LMOD1: variants seen among roughly 807,000 people sequenced by gnomAD.
The protein encoded by LMOD1 is leiomodin-1.
A neutral mutation model predicts 36.5 loss-of-function variants in LMOD1; 8 were observed. That is an observed-to-expected ratio of 0.22 (90% CI 0.13 to 0.40). The LOEUF (loss-of-function observed/expected upper bound fraction) is 0.40. LMOD1 is among the 10% of genes least tolerant of loss of function. The pLI, the probability that LMOD1 is intolerant of heterozygous loss-of-function variation, is 1.00. For missense variants in LMOD1, 630 were observed against 751.1 expected (o/e 0.84, Z 1.88); for synonymous variants, 284 against 288.7 (o/e 0.98, Z 0.17).
intron 1 of LMOD1, among the ~76,000 whole-genome samples, chr1:201,933,960 T>G (rs1429454768): frequency 6.6e-6 from 1 of 152,156 alleles, no homozygotes; most frequent in Non-Finnish European, 1.5e-5. Context: ...CCCCCTGGTT[T>G]GGCTTGCAAG....
chr1:201,896,840 C>T lies in LMOD1; in HGVS notation c.*1532G>A, dbSNP rs1681203162. On this transcript the variant is annotated 3_prime_UTR_variant, in exon 3 of 3. Transcript: ENST00000367288. ...GGCTTTACCCCCAGGACTAGACTGC[C>T]CTCTGGTTTTGGTCAGACCTAGCAC... 7.4e-6 allele frequency: 3 copies of T among 406,722 alleles called. No individual in the cohort carries two copies. The highest frequency in any genetic ancestry group is 5.3e-5 in the Admixed American group (2 of 37,946). The allele number at this position is 406,722 out of a possible 1,614,324, so 25.2% of individuals were successfully genotyped here.
chr1:201,913,834 T>C (rs967420522), intron 1 of LMOD1, among the ~76,000 whole-genome samples: 1 of 152,194 alleles, frequency 6.6e-6, no homozygotes, highest in Admixed American at 6.5e-5. Flanking sequence ...TTCCATTGTA[T>C]GTATATACCT....
At chr1:201,942,513 G>A (rs1449511540) in intron 1 of LMOD1, among the ~76,000 whole-genome samples, 5 of 152,116 alleles carry the variant, frequency 3.3e-5, no homozygotes, top group African/African-American at 4.8e-5. Context: ...CCCATCCCTT[G>A]GAGGGAGACC....
In LMOD1 at chr1:201,919,283, C is replaced by T. The variant is rs529817768; in HGVS notation, c.262-18532G>A. On this transcript the variant is annotated intron_variant, in intron 1 of 2. Transcript: ENST00000367288. ...GGCTGGAGTGCAGTGGTACTCACTG[C>T]AACCTCCGCCTCCTGGGTTCAAGCA... 5.9e-5 allele frequency among the ~76,000 whole-genome samples: 9 copies of T among 151,916 alleles called. No homozygotes were observed. The East Asian group carries it at 1.8e-3, about 30-fold the overall frequency.
chr1:201,941,431 G>T (rs772143677), intron 1 of LMOD1, among the ~76,000 whole-genome samples: 1 of 152,130 alleles, frequency 6.6e-6, no homozygotes, highest in Non-Finnish European at 1.5e-5. Context: ...AACCCTCTCC[G>T]GTGCCTGCTT....
chr1:201,944,479 G>A (rs922193445), intron 1 of LMOD1, among the ~76,000 whole-genome samples: 5 of 152,152 alleles, frequency 3.3e-5, no homozygotes, highest in African/African-American at 1.2e-4. Context: ...CGATTTCCAA[G>A]GGTGCCAAAG....
At chr1:201,927,680 G>T (rs1050316138) in intron 1 of LMOD1, among the ~76,000 whole-genome samples, 3 of 152,192 alleles carry the variant, frequency 2.0e-5, no homozygotes, top group Non-Finnish European at 4.4e-5. Flanking sequence ...TGGAAGAGAT[G>T]CTGCCATTGG....
chr1:201,933,182 G>A (rs1232041865), intron 1 of LMOD1, among the ~76,000 whole-genome samples: 2 of 152,172 alleles, frequency 1.3e-5, no homozygotes, highest in Non-Finnish European at 2.9e-5. Flanking sequence ...GGGAGGCTGA[G>A]GCGAGTGGAA....
In LMOD1 at chr1:201,910,960, T is replaced by C. The variant is rs1049244037; in HGVS notation, c.262-10209A>G. On this transcript the variant is annotated intron_variant, in intron 1 of 2. Coordinates refer to ENST00000367288, the MANE Select transcript of LMOD1 (RefSeq NM_012134.3). ...CTATATCAGTAGTAAGTGGGAGGACTGGAGTTCACACTCAGATCTCTTGGG... is the reference window on the plus strand; with the variant it reads ...CTATATCAGTAGTAAGTGGGAGGACCGGAGTTCACACTCAGATCTCTTGGG... 1.6e-4 allele frequency among the ~76,000 whole-genome samples: 24 copies of C among 152,034 alleles called. 1 individual carries two copies. Among genetic ancestry groups the C allele is most frequent in the Admixed American group, 6.6e-5 (1 of 15,264 alleles).
chr1:201,906,662 C>A (rs532430953), intron 1 of LMOD1, among the ~76,000 whole-genome samples: 1 of 152,156 alleles, frequency 6.6e-6, no homozygotes, highest in Non-Finnish European at 1.5e-5. Context: ...AGTCTCCTGC[C>A]GCATTCCATG....
At chr1:201,938,426 GC>G (rs1382252613) in intron 1 of LMOD1, among the ~76,000 whole-genome samples, 1 of 152,162 alleles carries the variant, frequency 6.6e-6, no homozygotes, top group African/African-American at 2.4e-5. Context: ...ACCGCGCCCG[GC>G]CGTAATTTCC....
intron 1 of LMOD1, among the ~76,000 whole-genome samples, chr1:201,939,312 A>AT (rs1219418707): frequency 2.0e-5 from 3 of 152,284 alleles, no homozygotes; most frequent in East Asian, 1.9e-4. Context: ...TGATTTTATC[A>AT]TCCCCACTTG....
intron 1 of LMOD1, among the ~76,000 whole-genome samples, chr1:201,901,511 AATATATATATATATATATGT>A (rs1681300602): frequency 2.7e-4 from 20 of 75,228 alleles, no homozygotes; most frequent in Non-Finnish European, 4.4e-4. Flanking sequence ...TCAAAAAAAA[AATATATATATATATATATGT>A]ATATATATAT....
At chr1:201,918,758 C>T (rs1681650512) in intron 1 of LMOD1, among the ~76,000 whole-genome samples, 1 of 152,228 alleles carries the variant, frequency 6.6e-6, no homozygotes, top group African/African-American at 2.4e-5. Flanking sequence ...TCAAGGTACC[C>T]ATTGCCCAGC....
At chr1:201,903,432 T>C (rs529556004) in intron 1 of LMOD1, among the ~76,000 whole-genome samples, 11 of 152,256 alleles carry the variant, frequency 7.2e-5, no homozygotes, top group African/African-American at 2.4e-5. Context: ...TCCCACTCAC[T>C]CAGGCCCCCA....
At chr1:201,936,527 T>G (rs960739514) in intron 1 of LMOD1, among the ~76,000 whole-genome samples, 3 of 152,146 alleles carry the variant, frequency 2.0e-5, no homozygotes, top group Non-Finnish European at 2.9e-5. Context: ...GGCCTGGCTT[T>G]TCCTCTGACA....
In LMOD1 at chr1:201,899,929, TAACCACAGTGTTG is replaced by T. The variant is rs1365477394; in HGVS notation, c.1071_1083del (p.Phe357LeufsTer57). On this transcript the variant is annotated frameshift_variant, in exon 2 of 3. Coordinates refer to ENST00000367288, the MANE Select transcript of LMOD1 (RefSeq NM_012134.3). LOFTEE classifies it high-confidence loss of function. This position sits in a 1 kb window ranked among gnomAD's most constrained non-coding sequence, Gnocchi z 6.3. ...CGCGTGTTGGCCAAGGCGAACAGCT[TAACCACAGTGTTG>T]AACTCCAGAGCCTCAGTAAACCGGA... 6.2e-7 allele frequency: 1 copy of T among 1,613,968 alleles called. No individual in the cohort carries two copies.
Position 201,896,807 on chromosome 1 carries a change from G to T in LMOD1, c.*1565C>A. On this transcript the variant is annotated 3_prime_UTR_variant, in exon 3 of 3. Coordinates refer to ENST00000367288, the MANE Select transcript of LMOD1 (RefSeq NM_012134.3). ...GGGAATGGAGAAGAGTGTACCCTGGGATCTGAGGGCTTTACCCCCAGGACT... is the reference window on the plus strand; with the variant it reads ...GGGAATGGAGAAGAGTGTACCCTGGTATCTGAGGGCTTTACCCCCAGGACT... 2.3e-6 allele frequency: 1 copy of T among 441,340 alleles called. No homozygotes were observed. Among genetic ancestry groups the T allele is most frequent in the South Asian group, 1.6e-5 (1 of 63,138 alleles). The allele number at this position is 441,340 out of a possible 1,614,324, so 27.3% of individuals were successfully genotyped here. A position where few individuals can be genotyped will look rare whatever the true frequency, so the allele number is the denominator to read the frequency against.
chr1:201,900,485 C>G lies in LMOD1; in HGVS notation c.528G>C (p.Gly176=). The change falls in exon 2 of 3, where the codon GGG becomes GGC. Residue 176 remains glycine (G), a synonymous_variant. Transcript: ENST00000367288. ...AVDKKEAGKD[G]RGEERAVATK... is the part of the protein sequence containing the mutation. ...TGGCCACTGCCCTCTCCTCTCCTCT[C>G]CCATCCTTCCCTGCCTCCTTCTTAT... 1 of 1,613,520 alleles carries G rather than the reference C, an allele frequency of 6.2e-7. No homozygotes were observed. Among genetic ancestry groups the G allele is most frequent in the Non-Finnish European group, 8.5e-7 (1 of 1,179,700 alleles).
Sources: allele counts gnomAD v4.1 joint callset (sites outside exome capture counted in the v4.1 genomes callset), GRCh38; gene constraint gnomAD v4.1.1; non-coding constraint Gnocchi (gnomAD v3.1); transcripts MANE v1.5; gene names NCBI Gene and HGNC (gene_info 2026-07-23, HGNC 2026-07-21).